CDHR2: variants seen among roughly 807,000 people sequenced by gnomAD.
The protein encoded by CDHR2 is cadherin-related family member 2.
A neutral mutation model predicts 138.6 loss-of-function variants in CDHR2; 104 were observed. The observed-to-expected ratio is 0.75, with a 90% confidence interval of 0.64 to 0.88. The LOEUF (loss-of-function observed/expected upper bound fraction) is 0.88, where lower values mean the gene tolerates loss of function less well. Among genes scored for constraint, CDHR2 ranks in the 40% least tolerant of loss-of-function variants. CDHR2 has a pLI of 0.00. For synonymous variants in CDHR2, 755 were observed against 742.8 expected, an observed-to-expected ratio of 1.02 and a Z score of -0.27; for missense variants, 1,624 against 1,727.6, an observed-to-expected ratio of 0.94 and a Z score of 1.06.
intron 12 of CDHR2, among the ~76,000 whole-genome samples, chr5:176,577,188 G>A (rs1758403284): frequency 6.6e-6 from 1 of 152,154 alleles, no homozygotes; most frequent in African/African-American, 2.4e-5. Context: ...GGGACCCACA[G>A]TGCCTAGGGA....
chr5:176,591,959 C>CGATGGTGGT (rs147306326), intron 30 of CDHR2, among the ~76,000 whole-genome samples: 1 of 55,022 alleles, frequency 1.8e-5, no homozygotes, highest in African/African-American at 6.8e-5. Context: ...GTGATGATGA[C>CGATGGTGGT]GGTGGTGGTG....
At chr5:176,544,380 T>TTTTTC (rs1030710903), upstream of CDHR2, among the ~76,000 whole-genome samples, 7 of 150,870 alleles carry the variant, frequency 4.6e-5, no homozygotes, top group Non-Finnish European at 1.0e-4. Context: ...CTTTCCTTTT[T>TTTTTC]TTCTTCCTTT....
intron 22 of CDHR2, 66 bp downstream of exon 22, chr5:176,589,248 A>G (rs1758772085): frequency 6.2e-7 from 1 of 1,602,862 alleles, no homozygotes; most frequent in African/African-American, 1.3e-5. Context: ...TCAGGCAGCA[A>G]GTCCCCCATC....
rs1757503230 is a variant in CDHR2, at chr5:176,543,375, G to C, written c.-16+606G>C. Among the ~76,000 whole-genome samples, 1 of 149,864 alleles carries C rather than the reference G, an allele frequency of 6.7e-6. No individual in the cohort carries two copies. The highest frequency in any genetic ancestry group is 2.4e-5 in the African/African-American group (1 of 41,176). ...CGCCGCCTGCCGCGGCCCCTCTCCG[G>C]CCCGGTGCAGGGGAACCGTCCGCGG... On this transcript the variant is annotated intron_variant, in intron 1 of 31. Transcript: ENST00000510636. The surrounding 1 kb of genome is among the most constrained non-coding windows in gnomAD (Gnocchi z 4.0).
In CDHR2 at chr5:176,589,018, C is replaced by T; in HGVS notation, c.2857-13C>T. ...TGGCTGGGCCCCCAGATATTGTCCACTCTTGCTCCCAGGCCAGAGACGATG... is the reference window on the plus strand; with the variant it reads ...TGGCTGGGCCCCCAGATATTGTCCATTCTTGCTCCCAGGCCAGAGACGATG... On this transcript the variant is annotated splice_polypyrimidine_tract_variant and intron_variant, in intron 21 of 31. Transcript: ENST00000261944. The T allele has an allele frequency of 1.2e-6, 2 of 1,613,682 alleles. No homozygotes were observed. The highest frequency in any genetic ancestry group is 1.7e-6 in the Non-Finnish European group (2 of 1,179,716).
chr5:176,571,016 A>G (rs530962358), intron 5 of CDHR2, among the ~76,000 whole-genome samples, 197 bp from the exon 6 acceptor site: 1 of 135,584 alleles, frequency 7.4e-6, no homozygotes, highest in Non-Finnish European at 1.6e-5. Flanking sequence ...AAAACAACAT[A>G]TGGAGAGAAC....
chr5:176,578,671 C>A, intron 16 of CDHR2, 63 bp downstream of exon 16: 1 of 1,588,460 alleles, frequency 6.3e-7, no homozygotes, highest in Non-Finnish European at 8.5e-7. Flanking sequence ...GCTCTGTGGG[C>A]ATGCTGGCCC....
chr5:176,555,624 C>A (rs1757802532), intron 1 of CDHR2, among the ~76,000 whole-genome samples: 1 of 152,124 alleles, frequency 6.6e-6, no homozygotes, highest in African/African-American at 2.4e-5. Flanking sequence ...TGAAATGGGC[C>A]AAGTGCAGTG....
At chr5:176,581,711 C>T (rs1460298831) in intron 17 of CDHR2, 129 bp downstream of exon 17, 1 of 1,239,134 alleles carries the variant, frequency 8.1e-7, no homozygotes. Flanking sequence ...ACTCGTATGG[C>T]CCCAGGCAAT....
chr5:176,576,170 C>T lies in CDHR2; in HGVS notation c.1179C>T (p.Val393=), dbSNP rs1012159134. Residue 393 remains valine (V), a synonymous_variant, in exon 12 of 32, where the codon GTC becomes GTT. Coordinates refer to ENST00000261944, the MANE Select transcript of CDHR2 (RefSeq NM_017675.6). This position sits in a 1 kb window ranked among gnomAD's most constrained non-coding sequence, Gnocchi z 4.5. ...CCATCGATGACCTCACCATGGTGGTCTACGACCCGGACAAGGCAGGCGTGG... is the reference window on the plus strand; with the variant it reads ...CCATCGATGACCTCACCATGGTGGTTTACGACCCGGACAAGGCAGGCGTGG... ...RIPIDDLTMV[V]YDPDKGSNGT... 6 of 1,611,486 alleles carry T rather than the reference C, an allele frequency of 3.7e-6. No individual in the cohort carries two copies. In the African/African-American group the frequency reaches 6.7e-5, roughly 18 times the overall value.
At chr5:176,565,515 C>T (rs1758058469) in intron 2 of CDHR2, 111 bp downstream of exon 2, 1 of 1,312,934 alleles carries the variant, frequency 7.6e-7, no homozygotes, top group African/African-American at 1.5e-5. Context: ...TATGGGCCAG[C>T]CCTGTGCTTG....
chr5:176,591,509 G>A lies in CDHR2; in HGVS notation c.3734+25G>A, dbSNP rs749232224. 2.6e-6 allele frequency: 4 copies of A among 1,564,600 alleles called. No homozygotes were observed. The Admixed American group carries it at 6.7e-5, about 26-fold the overall frequency. ...GGTGAGCAGTGCCCCTCACAGCCAG[G>A]CTAGGTGGTGGTGGTGGTACAGGTA... On this transcript the variant is annotated intron_variant, in intron 30 of 31. Transcript: ENST00000261944.
At chr5:176,560,870 C>T (rs1757949933) in intron 1 of CDHR2, among the ~76,000 whole-genome samples, 1 of 152,168 alleles carries the variant, frequency 6.6e-6, no homozygotes, top group Non-Finnish European at 1.5e-5. Flanking sequence ...GGGAGCATGG[C>T]GAGATGAATC....
At chr5:176,571,155 AC>A (rs1758219361) in intron 5 of CDHR2, 57 bp from the exon 6 acceptor site, 4 of 1,203,820 alleles carry the variant, frequency 3.3e-6, no homozygotes, top group South Asian at 2.5e-5. Context: ...GATACTTGCA[AC>A]TTTTCTGGTG....
chr5:176,588,469 ATG>A (rs1336939047), intron 21 of CDHR2, among the ~76,000 whole-genome samples: 1 of 119,816 alleles, frequency 8.3e-6, no homozygotes, highest in Admixed American at 7.9e-5. Context: ...GTGTGAGTGT[ATG>A]TGAGTGTGAG....
In CDHR2 at chr5:176,575,077, G is replaced by A; in HGVS notation, c.496-7G>A. On this transcript the variant is annotated splice_polypyrimidine_tract_variant and splice_region_variant and intron_variant, in intron 7 of 31. Transcript: ENST00000261944. Reference sequence around the variant, plus strand: ...AGGGAGCCTGACCCAAGTCTGCTCTGCCCCAGGTCATCCCTAGCACTGGGG... The same window carrying A: ...AGGGAGCCTGACCCAAGTCTGCTCTACCCCAGGTCATCCCTAGCACTGGGG... The A allele has an allele frequency of 6.2e-7, 1 of 1,613,984 alleles. No homozygotes were observed. Among genetic ancestry groups the A allele is most frequent in the Non-Finnish European group, 8.5e-7 (1 of 1,180,016 alleles).
In CDHR2 at chr5:176,584,844, G is replaced by A. The variant is rs762011542; in HGVS notation, c.2563G>A (p.Gly855Arg). 2.2e-5 allele frequency: 36 copies of A among 1,614,050 alleles called. No individual in the cohort carries two copies. The highest frequency in any genetic ancestry group is 1.6e-4 in the East Asian group (7 of 44,904). Reference protein sequence around the residue: ...QLVNILCTKAGVDVGSLCWGW... With the variant: ...QLVNILCTKARVDVGSLCWGW... ...TGTGAACATTCTCTGCACCAAGGCCGGGGTCGATGTGGGCAGCCTATGCTG... is the reference window on the plus strand; with the variant it reads ...TGTGAACATTCTCTGCACCAAGGCCAGGGTCGATGTGGGCAGCCTATGCTG... Residue 855 changes from glycine (G) to arginine (R), a missense_variant, in exon 19 of 32, where the codon GGG (glycine) becomes AGG (arginine). This residue lies in a region of CDHR2 where 7 missense variants were observed against 25.4 expected (regional missense o/e 0.28). Transcript: ENST00000261944.
intron 21 of CDHR2, among the ~76,000 whole-genome samples, chr5:176,588,515 G>GTT (rs68108211): frequency 6.8e-6 from 1 of 146,512 alleles, no homozygotes; most frequent in Non-Finnish European, 1.5e-5. Flanking sequence ...ATGAGTGTGT[G>GTT]CATGTGTGTG....
intron 1 of CDHR2, among the ~76,000 whole-genome samples, chr5:176,560,431 AAAG>A (rs1199523634): frequency 6.6e-6 from 1 of 152,058 alleles, no homozygotes; most frequent in Non-Finnish European, 1.5e-5. Context: ...AGACGCCAAA[AAAG>A]AATGATTAAT....
Sources: allele counts gnomAD v4.1 joint callset (sites outside exome capture counted in the v4.1 genomes callset), GRCh38; gene constraint gnomAD v4.1.1; regional missense constraint gnomAD v4.1.1; non-coding constraint Gnocchi (gnomAD v3.1); transcripts MANE v1.5; gene names NCBI Gene and HGNC (gene_info 2026-07-23, HGNC 2026-07-21).